The following DCLRE1A variants were observed in gnomAD, a reference collection of about 807,000 sequenced individuals.
The protein encoded by DCLRE1A is DNA cross-link repair 1A.
A neutral mutation model predicts 91.9 loss-of-function variants in DCLRE1A; 64 were observed. The ratio of observed to expected loss-of-function variants is 0.70; its 90% CI spans 0.57 to 0.86. DCLRE1A has a LOEUF of 0.86. Among genes scored for constraint, DCLRE1A ranks in the 40% least tolerant of loss-of-function variants. The probability of loss-of-function intolerance (pLI) is 0.00; values close to 1 mark genes in which losing one functional copy is unlikely to be tolerated. For synonymous variants in DCLRE1A, 416 were observed against 431.1 expected, an observed-to-expected ratio of 0.96 and a Z score of 0.43; for missense variants, 1,145 against 1,213.3, an observed-to-expected ratio of 0.94 and a Z score of 0.84.
At chr10:113,839,005 T>C (rs973806272) in intron 7 of DCLRE1A, among the ~76,000 whole-genome samples, 9 of 152,048 alleles carry the variant, frequency 5.9e-5, no homozygotes, top group Non-Finnish European at 7.4e-5. Context: ...AACATCAGCT[T>C]CTGCTCCATC....
At chr10:113,845,430 G>T (rs1296886293) in intron 4 of DCLRE1A, among the ~76,000 whole-genome samples, 2 of 152,174 alleles carry the variant, frequency 1.3e-5, no homozygotes, top group African/African-American at 4.8e-5. Context: ...TAAAAAATAA[G>T]ATGGAATCTC....
intron 3 of DCLRE1A, among the ~76,000 whole-genome samples, chr10:113,846,552 T>C (rs1221865566): frequency 2.6e-5 from 4 of 152,170 alleles, no homozygotes; most frequent in East Asian, 1.9e-4. Flanking sequence ...GCATTATTTA[T>C]GAATGTTTCC....
rs1296311985 is a variant in DCLRE1A at position 113,834,734 on chromosome 10, T to C, written c.*418A>G. 6.5e-6 allele frequency: 1 copy of C among 152,714 alleles called. No homozygotes were observed. Among genetic ancestry groups the C allele is most frequent in the Non-Finnish European group, 1.5e-5 (1 of 68,162 alleles). 9.5% of individuals were successfully genotyped at this position (152,714 alleles called of 1,614,324 possible). ...ACAAAAGACACCAGAGCAAATTTTATATTAATTTTATTTAAGTATACACGT... is the reference window on the plus strand; with the variant it reads ...ACAAAAGACACCAGAGCAAATTTTACATTAATTTTATTTAAGTATACACGT... On this transcript the variant is annotated 3_prime_UTR_variant, in exon 9 of 9. Coordinates refer to ENST00000361384, the MANE Select transcript of DCLRE1A (RefSeq NM_014881.5).
At chr10:113,845,478 G>T (rs1406154849) in intron 4 of DCLRE1A, among the ~76,000 whole-genome samples, 1 of 152,130 alleles carries the variant, frequency 6.6e-6, no homozygotes, top group Non-Finnish European at 1.5e-5. Context: ...GATAAAAAAT[G>T]GGTTAGATAA....
upstream of DCLRE1A, chr10:113,854,135 G>A (rs1845708183): frequency 6.6e-6 from 1 of 152,228 alleles, no homozygotes. Flanking sequence ...CGCCCTCAAG[G>A]ACCCTCACCG....
At chr10:113,837,270 A>T in intron 7 of DCLRE1A, 67 bp from the exon 8 acceptor site, 2 of 1,459,422 alleles carry the variant, frequency 1.4e-6, no homozygotes, top group Non-Finnish European at 1.8e-6. Flanking sequence ...CAGACTGATT[A>T]AAGATGTTAT....
chr10:113,849,035 T>C lies in DCLRE1A; in HGVS notation c.2070A>G (p.Ser690=), dbSNP rs746548887. 3 of 1,614,046 alleles carry C rather than the reference T, an allele frequency of 1.9e-6. No individual in the cohort carries two copies. Among genetic ancestry groups the C allele is most frequent in the South Asian group, 2.2e-5 (2 of 91,076 alleles). ...LQRGNKKIPE[S]SNVGGSRKKT... ...TTTTTCTTGATCCTCCTACATTAGA[T>C]GACTCTGGGATTTTCTTGTTGCCCC... is the stretch of plus-strand genomic sequence containing the variant. Residue 690 remains serine, a synonymous_variant, in exon 2 of 9, where the codon TCA becomes TCG. Transcript: ENST00000361384.
At chr10:113,844,834 G>C (rs1845504874) in intron 4 of DCLRE1A, among the ~76,000 whole-genome samples, 1 of 151,978 alleles carries the variant, frequency 6.6e-6, no homozygotes. Context: ...TACTTGGAAG[G>C]CTGAGGCAGG....
chr10:113,843,953 A>T, intron 5 of DCLRE1A, 151 bp downstream of exon 5: 1 of 1,031,112 alleles, frequency 9.7e-7, no homozygotes, highest in Non-Finnish European at 1.3e-6. Flanking sequence ...ATTTGCCCTT[A>T]AGCAAGTATA....
intron 7 of DCLRE1A, among the ~76,000 whole-genome samples, chr10:113,838,832 T>G (rs1845400612): frequency 6.6e-6 from 1 of 152,220 alleles, no homozygotes; most frequent in South Asian, 2.1e-4. Context: ...ACTTGGGATG[T>G]TGAACTAGAT....
chr10:113,838,777 T>A (rs1049021541), intron 7 of DCLRE1A, among the ~76,000 whole-genome samples: 2 of 152,174 alleles, frequency 1.3e-5, no homozygotes, highest in East Asian at 3.8e-4. Context: ...AATCAATCAA[T>A]CAGGTTTAAA....
Position 113,841,552 on chromosome 10 carries a change from C to G in DCLRE1A, c.2674G>C (p.Asp892His). The stretch of plus-strand genomic sequence containing the variant: ...ATGCCCACTTTTGAACCTAAAACAT[C>G]AGCAATGGCTATGGGCAAAAGAAAA... ...GKEKVFLAIA[D>H]VLGSKVGMSQ... Residue 892 changes from aspartate (D) to histidine (H), a missense_variant, in exon 7 of 9, where the codon GAT (aspartate) becomes CAT (histidine). Physicochemically the swap from Asp to His is moderately conservative, Grantham distance 81. Transcript: ENST00000361384. The G allele has an allele frequency of 1.2e-6, 2 of 1,605,748 alleles. No homozygotes were observed. Among genetic ancestry groups the G allele is most frequent in the East Asian group, 2.3e-5 (1 of 44,390 alleles).
chr10:113,853,158 C>G lies in DCLRE1A; in HGVS notation c.25G>C (p.Asp9His). 1 of 1,573,600 alleles carries G rather than the reference C, an allele frequency of 6.4e-7. No homozygotes were observed. The highest frequency in any genetic ancestry group is 8.6e-7 in the Non-Finnish European group (1 of 1,167,194). The stretch of plus-strand genomic sequence containing the variant: ...CTTTTAGATTTGTATTCCCAAATGT[C>G]TTCTTCGGAAATGTCTTCTAACATG... The part of the protein sequence containing the change: MLEDISEE[D>H]IWEYKSKRKP... The change falls in exon 1 of 9, where the codon GAC becomes CAC. Residue 9 changes from aspartate to histidine, a missense_variant. Coordinates refer to ENST00000361384, the MANE Select transcript of DCLRE1A (RefSeq NM_014881.5).
chr10:113,835,263 G>C lies in DCLRE1A; in HGVS notation c.3012C>G (p.Val1004=). ...HSSYLEMKRF[V]QWLKPQKIIP... is the part of the protein sequence containing the mutation. ...TGATTTTCTGGGGCTTCAGCCACTGGACAAAGCGCTTCATTTCTAGGTAGC... is the reference window on the plus strand; with the variant it reads ...TGATTTTCTGGGGCTTCAGCCACTGCACAAAGCGCTTCATTTCTAGGTAGC... The change falls in exon 9 of 9, where the codon GTC becomes GTG. Residue 1004 remains valine (V), a synonymous_variant. Transcript: ENST00000361384. 6.2e-7 allele frequency: 1 copy of C among 1,613,750 alleles called. No homozygotes were observed. Among genetic ancestry groups the C allele is most frequent in the Non-Finnish European group, 8.5e-7 (1 of 1,179,874 alleles).
chr10:113,852,249 T>A (rs911398940), intron 1 of DCLRE1A, among the ~76,000 whole-genome samples: 1 of 152,158 alleles, frequency 6.6e-6, no homozygotes, highest in African/African-American at 2.4e-5. Flanking sequence ...GGCAGGAGAA[T>A]GGCATGAACC....
Position 113,850,287 on chromosome 10 carries a change from A to G in DCLRE1A, c.818T>C (p.Val273Ala), listed in dbSNP as rs774574276. 7 of 1,614,014 alleles carry G rather than the reference A, an allele frequency of 4.3e-6. No homozygotes were observed. The East Asian group carries it at 1.1e-4, about 26-fold the overall frequency. The change falls in exon 2 of 9, where the codon GTT becomes GCT. Residue 273 changes from valine to alanine, a missense_variant. Val to Ala is a moderately conservative substitution (Grantham distance 64, BLOSUM62 0). Coordinates refer to ENST00000361384, the MANE Select transcript of DCLRE1A (RefSeq NM_014881.5). ...TGAGTTGTTTGCAAGACGCAAAGCAACTCCCACTAGTTTGTCATTCTCAAC... is the reference window on the plus strand; with the variant it reads ...TGAGTTGTTTGCAAGACGCAAAGCAGCTCCCACTAGTTTGTCATTCTCAAC... ...DFVENDKLVG[V>A]ALRLANNSEH... is the part of the protein sequence containing the mutation.
At chr10:113,854,102 GC>G (rs1344339803), upstream of DCLRE1A, 1 of 152,218 alleles carries the variant, frequency 6.6e-6, no homozygotes, top group African/African-American at 2.4e-5. Flanking sequence ...TCAGAGTCCT[GC>G]CCTTCTGAAG....
chr10:113,840,849 A>T (rs1845434865), intron 7 of DCLRE1A, among the ~76,000 whole-genome samples: 1 of 152,218 alleles, frequency 6.6e-6, no homozygotes, highest in Admixed American at 6.5e-5. Flanking sequence ...TAGTTAGTAT[A>T]TGAATAAGTC....
At position 113,835,206 on chromosome 10, in the gene DCLRE1A, A is replaced by G. The variant is rs1593068007; in HGVS notation, c.3069T>C (p.Ser1023=). The change falls in exon 9 of 9, where the codon TCT becomes TCC. Residue 1023 remains serine, a synonymous_variant. Transcript: ENST00000361384. ...IPTVNVGTWK[S]RSTMEKYFRE... ...TAAAATATTTCTCCATTGTGCTCCT[A>G]GATTTCCAGGTGCCCACATTTACAG... 6.2e-7 allele frequency: 1 copy of G among 1,614,110 alleles called. No individual in the cohort carries two copies. Among genetic ancestry groups the G allele is most frequent in the African/African-American group, 1.3e-5 (1 of 75,044 alleles).
Sources: gnomAD v4.1 joint callset for allele counts (sites outside exome capture counted in the v4.1 genomes callset) on GRCh38, gnomAD v4.1.1 for gene constraint, MANE v1.5 for transcripts, NCBI Gene and HGNC (gene_info 2026-07-23, HGNC 2026-07-21) for gene names.